SUCO: variants seen among roughly 807,000 people sequenced by gnomAD.
SUCO encodes the protein SUN domain-containing ossification factor.
A neutral mutation model predicts 148.1 loss-of-function variants in SUCO; 57 were observed. The observed-to-expected ratio is 0.38, with a 90% CI of 0.31 to 0.48. The LOEUF (loss-of-function observed/expected upper bound fraction) is 0.48. Ranked by LOEUF, SUCO falls within the 20% of genes least tolerant of loss-of-function variation. The pLI is 0.96. For missense variants in SUCO, 1,331 were observed against 1,468.2 expected, an observed-to-expected ratio of 0.91 and a Z score of 1.53; for synonymous variants, 470 against 502.7, an observed-to-expected ratio of 0.93 and a Z score of 0.87.
chr1:172,579,167 C>A, intron 14 of SUCO, 35 bp from the exon 15 acceptor site: 1 of 1,219,088 alleles, frequency 8.2e-7, no homozygotes, highest in South Asian at 1.2e-5. Context: ...GGAGCTAGAT[C>A]TCAGCATAAT....
intron 22 of SUCO, among the ~76,000 whole-genome samples, chr1:172,603,913 T>C (rs928587324): frequency 6.6e-6 from 1 of 151,980 alleles, no homozygotes; most frequent in Non-Finnish European, 1.5e-5. Flanking sequence ...ACATTTAGAT[T>C]ATTTTCATTT....
At chr1:172,561,458 G>A (rs1173127924) in intron 6 of SUCO, among the ~76,000 whole-genome samples, 1 of 152,104 alleles carries the variant, frequency 6.6e-6, no homozygotes, top group Non-Finnish European at 1.5e-5. Flanking sequence ...CATGAAGGTG[G>A]TGCCCTGATG....
intron 19 of SUCO, among the ~76,000 whole-genome samples, chr1:172,593,701 A>G (rs892699334): frequency 1.3e-4 from 20 of 152,192 alleles, no homozygotes; most frequent in Non-Finnish European, 2.9e-5. Flanking sequence ...GGATTTTTGC[A>G]TCAATGTTCA....
intron 1 of SUCO, among the ~76,000 whole-genome samples, chr1:172,537,450 G>C (rs1455258579): frequency 1.3e-5 from 2 of 152,008 alleles, no homozygotes; most frequent in Non-Finnish European, 2.9e-5. Flanking sequence ...GGCTGTGCTT[G>C]CATTATTAAA....
At position 172,533,405 on chromosome 1, in the gene SUCO, G is replaced by A. The variant is rs1168194340; in HGVS notation, c.-31G>A. On this transcript the variant is annotated 5_prime_UTR_variant, in exon 1 of 24. Coordinates refer to ENST00000263688, the MANE Select transcript of SUCO (RefSeq NM_014283.5). ...GTGGCGGCTGCCGGGAGGATGTGCC[G>A]CCTTCTGGCAGGGGGAAGAAGGAGG... 2 of 1,552,754 alleles carry A rather than the reference G, an allele frequency of 1.3e-6. No individual in the cohort carries two copies. The highest frequency in any genetic ancestry group is 1.7e-6 in the Non-Finnish European group (2 of 1,147,626).
intron 22 of SUCO, among the ~76,000 whole-genome samples, chr1:172,607,091 A>G (rs1657910222): frequency 1.3e-5 from 2 of 152,068 alleles, no homozygotes; most frequent in Admixed American, 6.6e-5. Context: ...TTTTCTAGAC[A>G]TATTAAGCAT....
intron 19 of SUCO, among the ~76,000 whole-genome samples, chr1:172,597,735 T>A (rs1473912061): frequency 6.6e-6 from 1 of 151,858 alleles, no homozygotes; most frequent in Non-Finnish European, 1.5e-5. Flanking sequence ...ATGTGTGTTG[T>A]CACATAATAA....
At chr1:172,533,001 G>C (rs1321015694), upstream of SUCO, 14 of 1,415,852 alleles carry the variant, frequency 9.9e-6, no homozygotes, top group Non-Finnish European at 1.3e-5. Flanking sequence ...GGGTGCGGGC[G>C]CCGCGGGACT....
At chr1:172,562,629 CCCAGTTAGA>C (rs1654261526) in intron 6 of SUCO, among the ~76,000 whole-genome samples, 1 of 152,208 alleles carries the variant, frequency 6.6e-6, no homozygotes, top group South Asian at 2.1e-4. Flanking sequence ...AGCCAGTGCA[CCCAGTTAGA>C]CCATTCTTTA....
At chr1:172,606,938 A>G (rs563682838) in intron 22 of SUCO, among the ~76,000 whole-genome samples, 1 of 151,986 alleles carries the variant, frequency 6.6e-6, no homozygotes, top group East Asian at 1.9e-4. Flanking sequence ...TTTCCAGGCC[A>G]GCAGTCTTAC....
intron 14 of SUCO, chr1:172,578,689 A>C: frequency 3.6e-6 from 1 of 275,464 alleles, no homozygotes; most frequent in Non-Finnish European, 5.5e-6. Flanking sequence ...TGTTAAACTC[A>C]CAAGATACTG....
chr1:172,571,341 G>A (rs931852748), intron 9 of SUCO, among the ~76,000 whole-genome samples: 1 of 152,214 alleles, frequency 6.6e-6, no homozygotes, highest in African/African-American at 2.4e-5. Context: ...GATTGCAGAC[G>A]GAGTCTGGTT....
chr1:172,576,992 GTTGTAC>G, intron 11 of SUCO: 2 of 715,228 alleles, frequency 2.8e-6, no homozygotes, highest in Non-Finnish European at 3.4e-6. Context: ...ACTTCTGTAA[GTTGTAC>G]TTGAAATAAC....
At position 172,555,852 on chromosome 1, in the gene SUCO, CTTG is replaced by C. The variant is rs1380277747; in HGVS notation, c.289-14_289-12del. ...TAATCTCAACATTTAATTTAGCTGACTTGTTTTTTTAAACAGAATACAGAGTCA... is the reference window on the plus strand; with the variant it reads ...TAATCTCAACATTTAATTTAGCTGACTTTTTTTAAACAGAATACAGAGTCA... On this transcript the variant is annotated splice_polypyrimidine_tract_variant and intron_variant, in intron 3 of 23. Transcript: ENST00000263688. The C allele has an allele frequency of 3.8e-6, 6 of 1,570,598 alleles. No individual in the cohort carries two copies. The African/African-American group carries it at 4.1e-5, about 11-fold the overall frequency.
At chr1:172,573,664 CA>C (rs1340472025) in intron 9 of SUCO, among the ~76,000 whole-genome samples, 1 of 151,988 alleles carries the variant, frequency 6.6e-6, no homozygotes, top group Non-Finnish European at 1.5e-5. Flanking sequence ...AATGATGGAG[CA>C]AAATCAATAT....
chr1:172,538,704 A>G (rs1210393522), intron 1 of SUCO, among the ~76,000 whole-genome samples: 1 of 152,200 alleles, frequency 6.6e-6, no homozygotes, highest in African/African-American at 2.4e-5. Context: ...TGACCTTTAC[A>G]AAAATGATTT....
At position 172,579,202 on chromosome 1, in the gene SUCO, A is replaced by G. The variant is rs201111671; in HGVS notation, c.1433A>G (p.Asp478Gly). Residue 478 changes from aspartate (D) to glycine (G), a missense_variant and splice_region_variant, in exon 15 of 24, where the codon GAT (aspartate) becomes GGT (glycine). Asp to Gly is a moderately conservative substitution (Grantham distance 94). Transcript: ENST00000263688. ...ERQELFDEDYDYPLDYNTGED... is the reference protein window; with the variant it reads ...ERQELFDEDYGYPLDYNTGED... ...TTACTTTTATTTTCGTTTTTAACAG[A>G]TTATCCACTGGATTATAATACTGGA... 1.2e-4 allele frequency: 184 copies of G among 1,567,882 alleles called. No homozygotes were observed. The highest frequency in any genetic ancestry group is 1.5e-4 in the Non-Finnish European group (175 of 1,140,638).
intron 19 of SUCO, among the ~76,000 whole-genome samples, chr1:172,599,716 T>C (rs1397740648): frequency 3.9e-5 from 6 of 152,254 alleles, no homozygotes; most frequent in African/African-American, 1.4e-4. Context: ...TTAAAAACAC[T>C]GACTTCTTAA....
intron 7 of SUCO, 173 bp downstream of exon 7, chr1:172,569,315 A>G: frequency 2.4e-6 from 2 of 849,056 alleles, no homozygotes; most frequent in Non-Finnish European, 2.8e-6. Context: ...CCTGTATATA[A>G]TTACATACAG....
Sources: allele counts gnomAD v4.1 joint callset (sites outside exome capture counted in the v4.1 genomes callset), GRCh38; gene constraint gnomAD v4.1.1; transcripts MANE v1.5; gene names NCBI Gene and HGNC (gene_info 2026-07-23, HGNC 2026-07-21).